PCNX1: variants seen among roughly 807,000 people sequenced by gnomAD.
PCNX1 encodes the protein pecanex 1, also known as pecanex-like protein 1.
Under a neutral mutation model 242.2 loss-of-function variants are expected in PCNX1, and 78 were observed. The observed-to-expected ratio is 0.32, with a 90% CI of 0.27 to 0.39. PCNX1 has a LOEUF of 0.39. PCNX1 is among the 10% of genes least tolerant of loss of function. The probability of loss-of-function intolerance (pLI) is 1.00; values close to 1 mark genes in which losing one functional copy is unlikely to be tolerated. For missense variants in PCNX1, 2,581 were observed against 2,856.5 expected (o/e 0.90, Z 2.20); for synonymous variants, 1,024 against 1,032.9 (o/e 0.99, Z 0.17).
chr14:70,954,436 T>C (rs1288645088), intron 2 of PCNX1, among the ~76,000 whole-genome samples: 4 of 152,210 alleles, frequency 2.6e-5, no homozygotes, highest in Non-Finnish European at 5.9e-5. Context: ...AGAAAGTCTA[T>C]AGGAACTTGG....
At chr14:70,954,352 C>T (rs2140397123) in intron 2 of PCNX1, among the ~76,000 whole-genome samples, 1 of 152,192 alleles carries the variant, frequency 6.6e-6, no homozygotes, top group Admixed American at 6.5e-5. Context: ...AAACCTCCTA[C>T]CATATTCTTT....
At chr14:70,938,969 G>A (rs1045215600) in intron 1 of PCNX1, among the ~76,000 whole-genome samples, 45 of 152,116 alleles carry the variant, frequency 3.0e-4, no homozygotes, top group African/African-American at 8.9e-4. Context: ...TGGGATAGGT[G>A]GTGACATCCC....
chr14:71,025,023 G>A (rs2060203002), intron 13 of PCNX1, among the ~76,000 whole-genome samples: 2 of 152,014 alleles, frequency 1.3e-5, no homozygotes, highest in Admixed American at 1.3e-4. Flanking sequence ...ATTTCTATCC[G>A]ATTGTTTTAG....
chr14:71,005,142 T>C (rs905217895), intron 8 of PCNX1, among the ~76,000 whole-genome samples: 3 of 152,178 alleles, frequency 2.0e-5, no homozygotes, highest in Non-Finnish European at 4.4e-5. Flanking sequence ...CTATGGATGA[T>C]TTGTTGTTCT....
intron 1 of PCNX1, among the ~76,000 whole-genome samples, chr14:70,933,512 A>T (rs550887948): frequency 6.6e-6 from 1 of 152,326 alleles, no homozygotes; most frequent in Non-Finnish European, 1.5e-5. Context: ...ATGAGGTTTT[A>T]TTGGAACATA....
At position 71,113,805 on chromosome 14, in the gene PCNX1, ATTTAT is replaced by A. The variant is rs910824946; in HGVS notation, c.*3875_*3879del. ...TGTCCAGATTGTTAATTTCATTTAT[ATTTAT>A]TTTAATTAATTTGTCATGAATATGG... On this transcript the variant is annotated 3_prime_UTR_variant, in exon 36 of 36. Transcript: ENST00000304743. The A allele has an allele frequency of 8.5e-5, 13 of 152,138 alleles. No homozygotes were observed. The highest frequency in any genetic ancestry group is 1.3e-4 in the Non-Finnish European group (9 of 68,024). 9.4% of individuals were successfully genotyped at this position (152,138 alleles called of 1,614,324 possible). A position where few individuals can be genotyped will look rare whatever the true frequency, so the allele number is the denominator to read the frequency against.
intron 23 of PCNX1, 33 bp from the exon 24 acceptor site, chr14:71,051,850 G>A (rs1343789444): frequency 1.2e-6 from 2 of 1,604,386 alleles, no homozygotes; most frequent in African/African-American, 2.7e-5. Flanking sequence ...GTGCTCAGAT[G>A]AATGTCAGTG....
In PCNX1 at chr14:70,974,808, G is replaced by A. The variant is rs117151909; in HGVS notation, c.605-2134G>A. Among the ~76,000 whole-genome samples the A allele has an allele frequency of 4.9e-4, 75 of 152,208 alleles. 2 individuals carry two copies. In the East Asian group the frequency reaches 0.014, roughly 28 times the overall value. ...AATTATTTTAAAAAAAGTTTGATTC[G>A]ATGAAAAATGTATCTTTTTGTGTTG... On this transcript the variant is annotated intron_variant, in intron 5 of 35. Coordinates refer to ENST00000304743, the MANE Select transcript of PCNX1 (RefSeq NM_014982.3).
intron 18 of PCNX1, among the ~76,000 whole-genome samples, chr14:71,034,632 T>C (rs1316050927): frequency 1.1e-4 from 16 of 152,214 alleles, no homozygotes. Context: ...TGTGTCTATT[T>C]ATGGAATAAA....
At chr14:71,049,638 T>A (rs1168884574) in intron 22 of PCNX1, among the ~76,000 whole-genome samples, 3 of 152,170 alleles carry the variant, frequency 2.0e-5, no homozygotes, top group African/African-American at 7.2e-5. Flanking sequence ...TTACTTACCA[T>A]GATCCTGATT....
rs1444593440 is a variant in PCNX1 at position 70,977,809 on chromosome 14, A to G, written c.1472A>G (p.Asn491Ser). The change falls in exon 6 of 36, where the codon AAT (asparagine) becomes AGT (serine). Residue 491 changes from asparagine (N) to serine (S), a missense_variant. By Grantham distance (46) the Asn-to-Ser change is conservative (BLOSUM62 1). Coordinates refer to ENST00000304743, the MANE Select transcript of PCNX1 (RefSeq NM_014982.3). The part of the protein sequence containing the change: ...GLSTSASEEA[N>S]KNPHANEFTS... The stretch of plus-strand genomic sequence containing the variant: ...AGCACCTCTGCATCTGAAGAAGCCA[A>G]TAAAAATCCCCATGCAAATGAATTT... The G allele has an allele frequency of 5.6e-6, 9 of 1,614,020 alleles. No individual in the cohort carries two copies. The highest frequency in any genetic ancestry group is 5.9e-6 in the Non-Finnish European group (7 of 1,180,036).
intron 2 of PCNX1, among the ~76,000 whole-genome samples, chr14:70,957,618 G>A (rs2058043089): frequency 6.6e-6 from 1 of 152,160 alleles, no homozygotes; most frequent in Non-Finnish European, 1.5e-5. Flanking sequence ...GGGCTAAGGA[G>A]GATGGAAAGG....
rs1037897751 is a variant in PCNX1, at chr14:71,011,373, T to A, written c.2721-119T>A. ...GCTTATCACAACTCTAGGAAAATGC[T>A]ATTTTGCATTTTGAAGTTAACATGG... is the stretch of plus-strand genomic sequence containing the variant. On this transcript the variant is annotated intron_variant, in intron 9 of 35. Transcript: ENST00000304743. 3 of 685,450 alleles carry A rather than the reference T, an allele frequency of 4.4e-6. No homozygotes were observed. In the African/African-American group the frequency reaches 5.5e-5, roughly 12 times the overall value. The allele number at this position is 685,450 out of a possible 1,614,324, so 42.5% of individuals were successfully genotyped here.
rs1403682142 is a variant in PCNX1 at position 70,969,047 on chromosome 14, G to A, written c.541G>A (p.Asp181Asn). The A allele has an allele frequency of 6.2e-6, 10 of 1,608,734 alleles. No individual in the cohort carries two copies. The highest frequency in any genetic ancestry group is 5.1e-6 in the Non-Finnish European group (6 of 1,175,376). ...AGATACAGACACTGCTAAGACTTCT[G>A]ATGATATCAGTTTAAGTCTGGGCCA... ...KGDTDTAKTS[D>N]DISLSLGQSS... The change falls in exon 5 of 36, where the codon GAT (aspartate) becomes AAT (asparagine). Residue 181 changes from aspartate (D) to asparagine (N), a missense_variant. Transcript: ENST00000304743.
intron 1 of PCNX1, among the ~76,000 whole-genome samples, chr14:70,910,031 C>T (rs901333618): frequency 2.1e-4 from 2 of 9,646 alleles, no homozygotes; most frequent in Non-Finnish European, 4.9e-4. Flanking sequence ...GACGACTCCT[C>T]CCTCCTCCTC....
chr14:71,107,933 CCAT>C (rs1238732797), intron 33 of PCNX1, among the ~76,000 whole-genome samples: 1 of 152,158 alleles, frequency 6.6e-6, no homozygotes, highest in Non-Finnish European at 1.5e-5. Flanking sequence ...GTTAACCTAT[CCAT>C]CACCTCATAT....
intron 1 of PCNX1, among the ~76,000 whole-genome samples, chr14:70,919,988 A>G (rs1354032361): frequency 6.6e-6 from 1 of 152,130 alleles, no homozygotes; most frequent in Non-Finnish European, 1.5e-5. Flanking sequence ...GAGAACAGGC[A>G]GGAAGATTAA....
intron 2 of PCNX1, among the ~76,000 whole-genome samples, chr14:70,949,282 TAC>T (rs139022717): frequency 4.8e-4 from 23 of 48,300 alleles, no homozygotes; most frequent in Non-Finnish European, 6.7e-4. Context: ...CACACGTGTA[TAC>T]ACACACGTGT....
rs139027158 is a variant in PCNX1 at position 70,919,422 on chromosome 14, C to A, written c.153+11419C>A. On this transcript the variant is annotated intron_variant, in intron 1 of 35. Coordinates refer to ENST00000304743, the MANE Select transcript of PCNX1 (RefSeq NM_014982.3). ...ATGTTTCTTTGAGAGAGACTGAGTG[C>A]CTCCTTCTGTTATCTGAGTTAAATG... Among the ~76,000 whole-genome samples the A allele has an allele frequency of 3.3e-3, 496 of 152,154 alleles. 4 individuals carry two copies. Among genetic ancestry groups the A allele is most frequent in the East Asian group, 0.024 (124 of 5,172 alleles).
Sources: gnomAD v4.1 joint callset for allele counts (sites outside exome capture counted in the v4.1 genomes callset) on GRCh38, gnomAD v4.1.1 for gene constraint, MANE v1.5 for transcripts, NCBI Gene and HGNC (gene_info 2026-07-23, HGNC 2026-07-21) for gene names.